The following PTPRT variants were observed in gnomAD, a reference collection of about 807,000 sequenced individuals.
PTPRT encodes the protein protein tyrosine phosphatase receptor type T, also known as receptor-type tyrosine-protein phosphatase T.
In PTPRT, 56 loss-of-function variants were observed where a neutral mutation model predicts 176.8. The observed-to-expected ratio is 0.32, with a 90% CI of 0.26 to 0.40. The LOEUF (loss-of-function observed/expected upper bound fraction) is 0.40. Ranked by LOEUF, PTPRT falls within the 10% of genes least tolerant of loss-of-function variation. The pLI, the probability that PTPRT is intolerant of heterozygous loss-of-function variation, is 1.00. For missense variants in PTPRT, 1,540 were observed against 1,908.2 expected, an observed-to-expected ratio of 0.81 and a Z score of 3.60; for synonymous variants, 783 against 739.0, an observed-to-expected ratio of 1.06 and a Z score of -0.96.
chr20:42,998,563 T>C (rs1984357135), intron 1 of PTPRT, among the ~76,000 whole-genome samples: 1 of 152,232 alleles, frequency 6.6e-6, no homozygotes, highest in South Asian at 2.1e-4. Context: ...TTGCCTCCTA[T>C]ATTGATTACC....
chr20:42,419,775 G>C (rs1250162064), intron 9 of PTPRT, among the ~76,000 whole-genome samples: 5 of 152,172 alleles, frequency 3.3e-5, no homozygotes, highest in Non-Finnish European at 7.3e-5. Context: ...TTGAAAATAA[G>C]GTTTTTGCAT....
At chr20:42,245,230 T>C (rs2056427918) in intron 14 of PTPRT, among the ~76,000 whole-genome samples, 1 of 152,194 alleles carries the variant, frequency 6.6e-6, no homozygotes, top group Non-Finnish European at 1.5e-5. Context: ...ACCACACTGG[T>C]AGTTAACTCT....
At chr20:42,581,952 G>T (rs1005934832) in intron 7 of PTPRT, among the ~76,000 whole-genome samples, 18 of 152,144 alleles carry the variant, frequency 1.2e-4, no homozygotes, top group Non-Finnish European at 2.2e-4. Flanking sequence ...TGAAATGAAT[G>T]CACAACAGCA....
chr20:42,549,646 G>C (rs1205813061), intron 7 of PTPRT, among the ~76,000 whole-genome samples: 1 of 152,138 alleles, frequency 6.6e-6, no homozygotes, highest in East Asian at 1.9e-4. Flanking sequence ...ATGTGAAGAG[G>C]CACCTGTTTA....
chr20:42,252,184 T>C (rs2056560395), intron 13 of PTPRT, among the ~76,000 whole-genome samples: 1 of 152,194 alleles, frequency 6.6e-6, no homozygotes, highest in African/African-American at 2.4e-5. Flanking sequence ...TGGATGGTGG[T>C]AATGTTTACG....
chr20:42,240,272 T>C (rs1035908756), intron 14 of PTPRT, among the ~76,000 whole-genome samples: 4 of 152,196 alleles, frequency 2.6e-5, no homozygotes, highest in African/African-American at 9.7e-5. Context: ...TGCAAAGTCT[T>C]CTAGGTCAAG....
intron 1 of PTPRT, among the ~76,000 whole-genome samples, chr20:42,889,340 AT>A (rs1317560123): frequency 6.6e-6 from 1 of 152,174 alleles, no homozygotes; most frequent in Non-Finnish European, 1.5e-5. Flanking sequence ...CAGTGACCCA[AT>A]TTTTATTTTC....
chr20:42,861,849 G>A (rs2078666966), intron 2 of PTPRT, among the ~76,000 whole-genome samples: 2 of 151,912 alleles, frequency 1.3e-5, no homozygotes, highest in Admixed American at 1.3e-4. Flanking sequence ...AGAGAGCCTG[G>A]TGTGGTTAAA....
intron 7 of PTPRT, among the ~76,000 whole-genome samples, chr20:42,485,470 G>A (rs952797486): frequency 2.6e-5 from 4 of 152,192 alleles, no homozygotes; most frequent in African/African-American, 7.2e-5. Flanking sequence ...AAGTCTCAGC[G>A]TAGCTAATTT....
chr20:43,047,021 T>C (rs539377347), intron 1 of PTPRT, among the ~76,000 whole-genome samples: 1 of 152,280 alleles, frequency 6.6e-6, no homozygotes, highest in South Asian at 2.1e-4. Context: ...CTTATTTTCA[T>C]CAAGTTAAAG....
intron 7 of PTPRT, among the ~76,000 whole-genome samples, chr20:42,620,026 A>C (rs940633430): frequency 4.0e-5 from 6 of 150,230 alleles, no homozygotes; most frequent in Admixed American, 4.0e-4. Context: ...TCTGCGTTTT[A>C]GAATTTCCAG....
rs1430502973 is a variant in PTPRT at position 42,292,320 on chromosome 20, A to T, written c.2140-9795T>A. On this transcript the variant is annotated intron_variant, in intron 12 of 30. Coordinates refer to ENST00000373187, the MANE Select transcript of PTPRT (RefSeq NM_007050.6). ...GCACTAAGAATTTTTTTTTTTTTTT[A>T]AAAGATGTCCTCTTTTCTTTTTTCT... Among the ~76,000 whole-genome samples, 430 of 148,966 alleles carry T rather than the reference A, an allele frequency of 2.9e-3. 3 individuals carry two copies. The highest frequency in any genetic ancestry group is 8.7e-3 in the African/African-American group (351 of 40,552).
At position 42,282,514 on chromosome 20, in the gene PTPRT, G is replaced by A. The variant is rs202211949; in HGVS notation, c.2151C>T (p.Ile717=). 8.4e-5 allele frequency: 136 copies of A among 1,610,414 alleles called. 1 individual carries two copies. The highest frequency in any genetic ancestry group is 6.0e-4 in the Admixed American group (36 of 59,604). The change falls in exon 13 of 31, where the codon ATC becomes ATT. Residue 717 remains isoleucine, a synonymous_variant. Transcript: ENST00000373187. ...ALSKANGETK[I]NCVRLATKGA... ...CTTTTGTAGCCAGACGAACACAGTT[G>A]ATTTTGGTCTCCTGTGAACAACAAA... is the stretch of plus-strand genomic sequence containing the variant.
chr20:43,095,021 A>G (rs1314504520), intron 1 of PTPRT, among the ~76,000 whole-genome samples: 1 of 152,182 alleles, frequency 6.6e-6, no homozygotes, highest in Non-Finnish European at 1.5e-5. Context: ...AGAGGTGTGC[A>G]AAGGCCTCCA....
chr20:42,248,413 A>AG (rs1283167669), intron 14 of PTPRT, among the ~76,000 whole-genome samples: 1 of 152,224 alleles, frequency 6.6e-6, no homozygotes, highest in Admixed American at 6.5e-5. Flanking sequence ...AATTCATGAT[A>AG]CGTGGAATCC....
At chr20:42,267,554 CAG>C (rs1350513852) in intron 13 of PTPRT, among the ~76,000 whole-genome samples, 4 of 152,084 alleles carry the variant, frequency 2.6e-5, no homozygotes, top group African/African-American at 2.4e-5. Flanking sequence ...AGGTTTATAA[CAG>C]AGGATGATTT....
At chr20:42,069,504 A>C (rs2146035963), downstream of PTPRT, among the ~76,000 whole-genome samples, 1 of 152,288 alleles carries the variant, frequency 6.6e-6, no homozygotes, top group Non-Finnish European at 1.5e-5. Flanking sequence ...TGTTCCTGGC[A>C]TCATCTTATC....
At chr20:42,559,907 G>A (rs2072923565) in intron 7 of PTPRT, among the ~76,000 whole-genome samples, 1 of 152,166 alleles carries the variant, frequency 6.6e-6, no homozygotes, top group Non-Finnish European at 1.5e-5. Flanking sequence ...TTTTTGAACT[G>A]TATGAAAATC....
At chr20:42,522,899 T>C (rs117305743) in intron 7 of PTPRT, among the ~76,000 whole-genome samples, 1,700 of 152,302 alleles carry the variant, frequency 0.011, 36 homozygotes, top group South Asian at 0.1. Flanking sequence ...CAGAGCTCTC[T>C]TTTCTCCTGT....
Sources: gnomAD v4.1 joint callset for allele counts (sites outside exome capture counted in the v4.1 genomes callset) on GRCh38, gnomAD v4.1.1 for gene constraint, MANE v1.5 for transcripts, NCBI Gene and HGNC (gene_info 2026-07-23, HGNC 2026-07-21) for gene names.